DOCK3: variants seen among roughly 807,000 people sequenced by gnomAD.
The protein encoded by DOCK3 is dedicator of cytokinesis protein 3.
Under a neutral mutation model 265.6 loss-of-function variants are expected in DOCK3, and 60 were observed. The observed-to-expected ratio is 0.23, with a 90% confidence interval of 0.18 to 0.28. The LOEUF is 0.28. Among genes scored for constraint, DOCK3 ranks in the 10% least tolerant of loss-of-function variants. The probability of loss-of-function intolerance (pLI) is 1.00; values close to 1 mark genes in which losing one functional copy is unlikely to be tolerated. For synonymous variants in DOCK3, 881 were observed against 938.0 expected (o/e 0.94, Z 1.11); for missense variants, 1,981 against 2,594.3 (o/e 0.76, Z 5.14).
chr3:51,200,041 C>T (rs1344491193), intron 12 of DOCK3, among the ~76,000 whole-genome samples: 1 of 151,984 alleles, frequency 6.6e-6, no homozygotes, highest in African/African-American at 2.4e-5. Flanking sequence ...TGTACATCAC[C>T]ATCATCAAAG....
chr3:51,200,095 A>G (rs990461758), intron 12 of DOCK3, among the ~76,000 whole-genome samples: 1 of 152,122 alleles, frequency 6.6e-6, no homozygotes, highest in Non-Finnish European at 1.5e-5. Flanking sequence ...AAAACAGAGC[A>G]GAAAAACTGG....
At chr3:51,315,457 C>G (rs2083313099) in intron 32 of DOCK3, among the ~76,000 whole-genome samples, 1 of 152,156 alleles carries the variant, frequency 6.6e-6, no homozygotes, top group Non-Finnish European at 1.5e-5. Context: ...AGGATTTTCA[C>G]TGTATAATCC....
In DOCK3 at chr3:51,274,940, G is replaced by T; in HGVS notation, c.2549-139G>T. 2 of 952,664 alleles carry T rather than the reference G, an allele frequency of 2.1e-6. 1 individual carries two copies. The highest frequency in any genetic ancestry group is 2.9e-5 in the South Asian group (2 of 67,962). 59.0% of individuals were successfully genotyped at this position (952,664 alleles called of 1,614,324 possible). On this transcript the variant is annotated intron_variant, in intron 24 of 52. Transcript: ENST00000266037. ...CAGTGAGCTTTCAGGCCCTTGTAAGGTAAGGAGATTACCTTCACTTTTGCT... is the reference window on the plus strand; with the variant it reads ...CAGTGAGCTTTCAGGCCCTTGTAAGTTAAGGAGATTACCTTCACTTTTGCT...
chr3:51,228,465 C>G (rs2090419625), intron 17 of DOCK3, among the ~76,000 whole-genome samples, 196 bp from the exon 18 acceptor site: 1 of 152,094 alleles, frequency 6.6e-6, no homozygotes, highest in Non-Finnish European at 1.5e-5. Flanking sequence ...ACCACATGCC[C>G]CACCATATTC....
chr3:51,139,293 A>G (rs923738664), intron 9 of DOCK3, among the ~76,000 whole-genome samples: 3 of 151,878 alleles, frequency 2.0e-5, no homozygotes, highest in African/African-American at 7.3e-5. Context: ...CTGTGTACCC[A>G]AGAAGAAACA....
intron 1 of DOCK3, among the ~76,000 whole-genome samples, chr3:50,686,817 G>C (rs2034847119): frequency 6.7e-6 from 1 of 148,152 alleles, no homozygotes; most frequent in Admixed American, 6.9e-5. Context: ...GCTGAGGCAG[G>C]AGAATCGTTT....
intron 27 of DOCK3, among the ~76,000 whole-genome samples, chr3:51,302,490 A>C (rs1178144143): frequency 6.6e-6 from 1 of 151,362 alleles, no homozygotes; most frequent in Non-Finnish European, 1.5e-5. Flanking sequence ...ATTATTTTGC[A>C]GACTTGTTGA....
intron 1 of DOCK3, among the ~76,000 whole-genome samples, chr3:50,689,395 C>T (rs1258169095): frequency 6.6e-6 from 1 of 152,164 alleles, no homozygotes; most frequent in Non-Finnish European, 1.5e-5. Context: ...GGGAAGCAAA[C>T]ATGTCCTTCT....
intron 32 of DOCK3, among the ~76,000 whole-genome samples, chr3:51,325,422 G>A (rs1188242851): frequency 1.3e-5 from 2 of 152,196 alleles, no homozygotes; most frequent in African/African-American, 2.4e-5. Flanking sequence ...ACAGATGCTG[G>A]AGAGGATGTG....
intron 12 of DOCK3, among the ~76,000 whole-genome samples, chr3:51,191,939 G>A (rs922420870): frequency 1.3e-5 from 2 of 150,602 alleles, no homozygotes; most frequent in Non-Finnish European, 3.0e-5. Context: ...TGTACAAGTA[G>A]TTTGGAAATA....
chr3:50,824,350 A>G (rs1361454829), intron 2 of DOCK3, among the ~76,000 whole-genome samples: 7 of 152,212 alleles, frequency 4.6e-5, no homozygotes, highest in African/African-American at 1.7e-4. Context: ...TATTGGAAAA[A>G]GAAGCCTCAG....
At chr3:50,748,421 G>A (rs570312929) in intron 1 of DOCK3, among the ~76,000 whole-genome samples, 1 of 152,296 alleles carries the variant, frequency 6.6e-6, no homozygotes, top group East Asian at 1.9e-4. Flanking sequence ...ACAAGAGACT[G>A]TGTAGGATAC....
At chr3:50,767,954 C>T (rs993337437) in intron 1 of DOCK3, among the ~76,000 whole-genome samples, 5 of 152,022 alleles carry the variant, frequency 3.3e-5, no homozygotes, top group Admixed American at 1.3e-4. Flanking sequence ...GTGATTTTTG[C>T]ACATTGAGTT....
intron 25 of DOCK3, 135 bp from the exon 26 acceptor site, chr3:51,277,473 C>T: frequency 8.5e-7 from 1 of 1,180,164 alleles, no homozygotes; most frequent in South Asian, 1.9e-5. Flanking sequence ...CTTGACACTG[C>T]ATGTTGGTGA....
intron 32 of DOCK3, among the ~76,000 whole-genome samples, chr3:51,319,996 T>G (rs1008802650): frequency 1.3e-5 from 2 of 152,210 alleles, no homozygotes; most frequent in African/African-American, 4.8e-5. Context: ...CATAGGCTTT[T>G]TTTAACTTAG....
chr3:50,856,053 A>G (rs953653557), intron 3 of DOCK3, among the ~76,000 whole-genome samples: 1 of 152,212 alleles, frequency 6.6e-6, no homozygotes, highest in Non-Finnish European at 1.5e-5. Context: ...TCCATGGTGT[A>G]TATGTATCAC....
intron 5 of DOCK3, among the ~76,000 whole-genome samples, chr3:51,027,070 A>G (rs370754591): frequency 3.3e-5 from 5 of 152,068 alleles, no homozygotes; most frequent in Admixed American, 6.5e-5. Flanking sequence ...AGATCTTTCT[A>G]TCTTCTTGAT....
intron 19 of DOCK3, 142 bp from the exon 20 acceptor site, chr3:51,236,203 C>A: frequency 1.5e-6 from 1 of 683,908 alleles, no homozygotes; most frequent in Non-Finnish European, 2.6e-6. Context: ...GGTCAGGGTA[C>A]TAGTACGATG....
chr3:51,065,556 A>G (rs1444577776), intron 6 of DOCK3, among the ~76,000 whole-genome samples: 1 of 152,214 alleles, frequency 6.6e-6, no homozygotes, highest in African/African-American at 2.4e-5. Context: ...GGCTTAAAAG[A>G]GTGTCTAAGG....
Sources: allele counts gnomAD v4.1 joint callset (sites outside exome capture counted in the v4.1 genomes callset), GRCh38; gene constraint gnomAD v4.1.1; transcripts MANE v1.5; gene names NCBI Gene and HGNC (gene_info 2026-07-23, HGNC 2026-07-21).